The following RPS6KC1 variants were observed in gnomAD, a reference collection of about 807,000 sequenced individuals.
The protein encoded by RPS6KC1 is ribosomal protein S6 kinase C1.
A neutral mutation model predicts 103.8 loss-of-function variants in RPS6KC1; 54 were observed. The ratio of observed to expected loss-of-function variants is 0.52; its 90% CI spans 0.42 to 0.65. The LOEUF is 0.65. Among genes scored for constraint, RPS6KC1 ranks in the 30% least tolerant of loss-of-function variants. The probability of loss-of-function intolerance (pLI) is 0.00; values close to 1 mark genes in which losing one functional copy is unlikely to be tolerated. For missense variants in RPS6KC1, 1,151 were observed against 1,253.8 expected (o/e 0.92, Z 1.24); for synonymous variants, 439 against 438.7 (o/e 1.00, Z -0.01).
At chr1:213,444,382 A>G in the RPS6KC1 span, among the ~76,000 whole-genome samples, 1 of 151,978 alleles carries the variant, frequency 6.6e-6, no homozygotes, top group African/African-American at 2.4e-5. Context: ...TCCTTCTCTG[A>G]TGTGGGGTAG....
chr1:213,313,305 G>T, the RPS6KC1 span, among the ~76,000 whole-genome samples: 1 of 152,036 alleles, frequency 6.6e-6, no homozygotes, highest in Non-Finnish European at 1.5e-5. Context: ...GAAGGGAGAT[G>T]TCAGTCTCTT....
chr1:213,286,171 A>G, the RPS6KC1 span, among the ~76,000 whole-genome samples: 293 of 152,370 alleles, frequency 1.9e-3, 2 homozygotes, highest in African/African-American at 6.6e-3. Flanking sequence ...ATATAAATGT[A>G]TGAGATGTTT....
rs918319726 is a variant in RPS6KC1, at chr1:213,266,915, C to G, written c.3090+4099C>G. Among the ~76,000 whole-genome samples the G allele has an allele frequency of 9.6e-5, 4 of 41,550 alleles. No homozygotes were observed. The African/African-American group carries it at 1.3e-3, about 14-fold the overall frequency. The allele number at this position is 41,550 out of a possible 152,430, so 27.3% of individuals were successfully genotyped here. On this transcript the variant is annotated intron_variant, in intron 14 of 14. Coordinates refer to ENST00000366960, the MANE Select transcript of RPS6KC1 (RefSeq NM_012424.6). ...TGAGGCTCCGTCTCAAACAAACAAA[C>G]AAACAAACAAACAAACAAACAAACA...
chr1:213,707,366 C>G, the RPS6KC1 span, among the ~76,000 whole-genome samples: 2 of 152,094 alleles, frequency 1.3e-5, no homozygotes, highest in South Asian at 4.2e-4. Context: ...AGTGTCTGTT[C>G]ACACCCTTCA....
At chr1:213,563,081 C>A in the RPS6KC1 span, among the ~76,000 whole-genome samples, 96 of 152,242 alleles carry the variant, frequency 6.3e-4, no homozygotes, top group African/African-American at 2.2e-3. Flanking sequence ...TTATCTGTCA[C>A]CATATTGCTG....
At chr1:213,827,380 G>A in the RPS6KC1 span, among the ~76,000 whole-genome samples, 1 of 152,092 alleles carries the variant, frequency 6.6e-6, no homozygotes, top group East Asian at 1.9e-4. Flanking sequence ...CCTTGCTCCT[G>A]GGCAGGTCCC....
At chr1:213,600,545 C>T in the RPS6KC1 span, among the ~76,000 whole-genome samples, 5 of 152,144 alleles carry the variant, frequency 3.3e-5, no homozygotes, top group Admixed American at 3.3e-4. Context: ...AACCCTCAGG[C>T]CTTCCCTTAG....
intron 3 of RPS6KC1, among the ~76,000 whole-genome samples, chr1:213,087,355 A>T (rs991832867): frequency 3.7e-4 from 57 of 152,156 alleles, no homozygotes; most frequent in Non-Finnish European, 2.9e-5. Context: ...TATATTTCTT[A>T]TCAACATTGG....
the RPS6KC1 span, among the ~76,000 whole-genome samples, chr1:213,473,101 G>A: frequency 6.6e-6 from 1 of 152,168 alleles, no homozygotes; most frequent in Non-Finnish European, 1.5e-5. Context: ...TTGTAACAGG[G>A]AAAATGACCC....
the RPS6KC1 span, among the ~76,000 whole-genome samples, chr1:213,824,650 T>C: frequency 1.3e-5 from 2 of 152,108 alleles, no homozygotes; most frequent in Non-Finnish European, 2.9e-5. Context: ...AGTGAATAAG[T>C]CTCATGAGAT....
the RPS6KC1 span, among the ~76,000 whole-genome samples, chr1:213,668,301 C>T: frequency 6.6e-6 from 1 of 151,202 alleles, no homozygotes; most frequent in African/African-American, 2.5e-5. Flanking sequence ...TTTTAGCAGG[C>T]ATGGAAACAA....
chr1:213,208,069 T>C (rs1419318866), intron 8 of RPS6KC1, among the ~76,000 whole-genome samples: 1 of 152,208 alleles, frequency 6.6e-6, no homozygotes, highest in Non-Finnish European at 1.5e-5. Context: ...AAAATTTTCT[T>C]TGCTCTTGTA....
the RPS6KC1 span, among the ~76,000 whole-genome samples, chr1:213,559,261 C>T: frequency 1.3e-5 from 2 of 152,202 alleles, no homozygotes; most frequent in African/African-American, 4.8e-5. Context: ...TCTCCTGACT[C>T]ATGGCCACCA....
At position 213,051,277 on chromosome 1, in the gene RPS6KC1, G is replaced by T. The variant is rs1007621523; in HGVS notation, c.-128G>T. The T allele has an allele frequency of 1.4e-5, 9 of 652,718 alleles. No homozygotes were observed. Among genetic ancestry groups the T allele is most frequent in the East Asian group, 1.4e-4 (5 of 36,424 alleles). The allele number at this position is 652,718 out of a possible 1,614,324, so 40.4% of individuals were successfully genotyped here. A position where few individuals can be genotyped will look rare whatever the true frequency, so the allele number is the denominator to read the frequency against. The stretch of plus-strand genomic sequence containing the variant: ...AGAGCTGTGCAGCTGAGGCGCCGCC[G>T]TGGAGCCGCCTTGGAGCCACCGCCC... On this transcript the variant is annotated 5_prime_UTR_variant, in exon 1 of 15. Transcript: ENST00000366960.
chr1:213,321,275 ATC>A, the RPS6KC1 span, among the ~76,000 whole-genome samples: 1 of 152,192 alleles, frequency 6.6e-6, no homozygotes. Flanking sequence ...GCTCTGAATC[ATC>A]TGAGACCTTA....
the RPS6KC1 span, among the ~76,000 whole-genome samples, chr1:213,583,914 G>T: frequency 6.6e-6 from 1 of 152,028 alleles, no homozygotes; most frequent in East Asian, 1.9e-4. Context: ...TGATTTGTAG[G>T]TCTGGAGTGA....
At chr1:213,455,061 G>A in the RPS6KC1 span, among the ~76,000 whole-genome samples, 1 of 152,166 alleles carries the variant, frequency 6.6e-6, no homozygotes, top group African/African-American at 2.4e-5. Context: ...CTCCCATGTG[G>A]ACATTGAGGG....
the RPS6KC1 span, among the ~76,000 whole-genome samples, chr1:213,320,629 C>G: frequency 6.6e-6 from 1 of 152,232 alleles, no homozygotes; most frequent in Non-Finnish European, 1.5e-5. Flanking sequence ...AAAGGAAAAT[C>G]CCCACCCTTA....
chr1:213,386,508 C>T, the RPS6KC1 span, among the ~76,000 whole-genome samples: 1 of 152,148 alleles, frequency 6.6e-6, no homozygotes, highest in Non-Finnish European at 1.5e-5. Flanking sequence ...GTTCTTGTTG[C>T]TGTTTGTATC....
Sources: allele counts gnomAD v4.1 joint callset (sites outside exome capture counted in the v4.1 genomes callset), GRCh38; gene constraint gnomAD v4.1.1; transcripts MANE v1.5; gene names NCBI Gene and HGNC (gene_info 2026-07-23, HGNC 2026-07-21).